Variants in AGBL4 observed in about 807,000 individuals in gnomAD.
AGBL4 encodes cytosolic carboxypeptidase 6.
In AGBL4, 58 loss-of-function variants were observed where a neutral mutation model predicts 66.4. The observed-to-expected ratio is 0.87, with a 90% confidence interval of 0.71 to 1.09. The LOEUF is 1.09. AGBL4 is among the 50% of genes least tolerant of loss of function. The pLI is 0.00. For synonymous variants in AGBL4, 234 were observed against 222.9 expected, an observed-to-expected ratio of 1.05 and a Z score of -0.44; for missense variants, 579 against 631.0, an observed-to-expected ratio of 0.92 and a Z score of 0.88.
intron 9 of AGBL4, among the ~76,000 whole-genome samples, chr1:48,617,337 T>A (rs1277172357): frequency 6.6e-6 from 1 of 152,184 alleles, no homozygotes; most frequent in Non-Finnish European, 1.5e-5. Flanking sequence ...GGGGTCACTG[T>A]TTTGAGGTCT....
intron 6 of AGBL4, among the ~76,000 whole-genome samples, chr1:48,673,445 G>C (rs1260901346): frequency 2.0e-5 from 3 of 152,104 alleles, no homozygotes; most frequent in African/African-American, 7.2e-5. Context: ...CTTTCCTATT[G>C]AGATCTTCAT....
At chr1:49,306,583 A>G (rs531935719) in intron 3 of AGBL4, among the ~76,000 whole-genome samples, 1 of 152,290 alleles carries the variant, frequency 6.6e-6, no homozygotes, top group Non-Finnish European at 1.5e-5. Flanking sequence ...TCAATCAATG[A>G]ACTCTTTAAT....
At chr1:49,702,527 C>G (rs780021465) in intron 2 of AGBL4, among the ~76,000 whole-genome samples, 1 of 151,936 alleles carries the variant, frequency 6.6e-6, no homozygotes, top group Non-Finnish European at 1.5e-5. Flanking sequence ...TCTTCACAAA[C>G]TCTTGCCAAA....
intron 5 of AGBL4, among the ~76,000 whole-genome samples, chr1:48,872,689 C>A (rs993296710): frequency 3.9e-5 from 6 of 151,918 alleles, no homozygotes; most frequent in South Asian, 2.1e-4. Flanking sequence ...AAACAAACAA[C>A]CAAGAAAGCA....
At chr1:48,685,613 A>G (rs1646519446) in intron 6 of AGBL4, among the ~76,000 whole-genome samples, 1 of 152,162 alleles carries the variant, frequency 6.6e-6, no homozygotes, top group South Asian at 2.1e-4. Flanking sequence ...CTATTGCTGC[A>G]TCTTTGAAAA....
At chr1:48,969,390 C>T (rs1240522999) in intron 5 of AGBL4, among the ~76,000 whole-genome samples, 1 of 152,136 alleles carries the variant, frequency 6.6e-6, no homozygotes, top group East Asian at 1.9e-4. Flanking sequence ...ACAGTTCTCC[C>T]TGCCATTTAA....
chr1:48,609,714 T>C (rs1360991081), intron 9 of AGBL4, among the ~76,000 whole-genome samples: 1 of 152,204 alleles, frequency 6.6e-6, no homozygotes, highest in South Asian at 2.1e-4. Context: ...TGAGCCACCA[T>C]GCTTGGTTGC....
intron 3 of AGBL4, among the ~76,000 whole-genome samples, chr1:49,541,573 G>A (rs1196903525): frequency 6.6e-6 from 1 of 152,174 alleles, no homozygotes. Context: ...CTCTCCGCGG[G>A]GCAGGGCTCG....
At chr1:49,836,505 T>G (rs1290531689) in intron 2 of AGBL4, among the ~76,000 whole-genome samples, 1 of 152,236 alleles carries the variant, frequency 6.6e-6, no homozygotes, top group Non-Finnish European at 1.5e-5. Context: ...TTAGCTTCCT[T>G]GCATTGGGTT....
intron 11 of AGBL4, among the ~76,000 whole-genome samples, chr1:48,542,327 A>C (rs949983042): frequency 6.6e-6 from 1 of 152,210 alleles, no homozygotes; most frequent in Non-Finnish European, 1.5e-5. Context: ...TTTATAGTAG[A>C]ATGATTTATA....
intron 1 of AGBL4, among the ~76,000 whole-genome samples, chr1:49,856,634 T>C (rs970349528): frequency 7.2e-5 from 11 of 152,110 alleles, no homozygotes; most frequent in Non-Finnish European, 1.6e-4. Flanking sequence ...AACTGTATGA[T>C]CACCTTAATA....
At chr1:48,584,357 T>G (rs1036549799) in intron 11 of AGBL4, 3 of 152,170 alleles carry the variant, frequency 2.0e-5, no homozygotes, top group Non-Finnish European at 2.9e-5. Context: ...CCTTCTGTAC[T>G]CCCCTCTCTG....
At chr1:49,495,630 C>T (rs746080480) in intron 3 of AGBL4, among the ~76,000 whole-genome samples, 11 of 151,236 alleles carry the variant, frequency 7.3e-5, no homozygotes, top group Non-Finnish European at 1.6e-4. Context: ...ATAACAATAA[C>T]AATAGTAAAA....
chr1:49,050,049 G>C (rs1363121698), intron 4 of AGBL4, among the ~76,000 whole-genome samples: 2 of 152,086 alleles, frequency 1.3e-5, no homozygotes, highest in South Asian at 2.1e-4. Context: ...GAAGACCCCA[G>C]AAAGAAAATG....
At chr1:48,581,085 C>T (rs759078527) in intron 11 of AGBL4, among the ~76,000 whole-genome samples, 2 of 152,214 alleles carry the variant, frequency 1.3e-5, no homozygotes, top group South Asian at 2.1e-4. Flanking sequence ...CTCTGTGATG[C>T]TATTGTCTCT....
At chr1:49,761,591 G>A (rs1652320869) in intron 2 of AGBL4, among the ~76,000 whole-genome samples, 1 of 152,106 alleles carries the variant, frequency 6.6e-6, no homozygotes, top group South Asian at 2.1e-4. Context: ...TGTAATTGTA[G>A]ATATTTATGC....
chr1:49,786,263 G>A (rs986559887), intron 2 of AGBL4, among the ~76,000 whole-genome samples: 1 of 152,026 alleles, frequency 6.6e-6, no homozygotes, highest in Non-Finnish European at 1.5e-5. Flanking sequence ...TAGTGTCACA[G>A]CATTTTTCTA....
chr1:50,016,804 A>G (rs12747011), intron 1 of AGBL4, among the ~76,000 whole-genome samples: 14,088 of 152,230 alleles, frequency 0.093, 911 homozygotes, highest in East Asian at 0.32. Flanking sequence ...GATGCTGGAG[A>G]GGCTGCAGAG....
chr1:49,929,230 GGT>G (rs1461327728), intron 1 of AGBL4, among the ~76,000 whole-genome samples: 10 of 151,992 alleles, frequency 6.6e-5, no homozygotes, highest in Non-Finnish European at 1.3e-4. Context: ...CTGGGTGACA[GGT>G]TCAATTGTAC....
Sources: gnomAD v4.1 joint callset for allele counts (sites outside exome capture counted in the v4.1 genomes callset) on GRCh38, gnomAD v4.1.1 for gene constraint, MANE v1.5 for transcripts, NCBI Gene and HGNC (gene_info 2026-07-23, HGNC 2026-07-21) for gene names.